Variants in PIEZO2 observed in about 807,000 individuals in gnomAD.
PIEZO2 encodes piezo type mechanosensitive ion channel component 2.
In PIEZO2, 172 loss-of-function variants were observed where a neutral mutation model predicts 337.3. The ratio of observed to expected loss-of-function variants is 0.51; its 90% CI spans 0.45 to 0.58. The LOEUF is 0.58. PIEZO2 is among the 20% of genes least tolerant of loss of function. PIEZO2 has a pLI of 0.00. For synonymous variants in PIEZO2, 1,251 were observed against 1,228.5 expected, an observed-to-expected ratio of 1.02 and a Z score of -0.38; for missense variants, 3,028 against 3,391.3, an observed-to-expected ratio of 0.89 and a Z score of 2.66.
rs923017083 is a variant in PIEZO2, at chr18:10,824,707, A to C, written c.918-17433T>G. ...ATTTTAAATTTACAGACAAGTTGAA[A>C]ACATACTACAGAGAATTCTCTATAC... On this transcript the variant is annotated intron_variant, in intron 7 of 55. Transcript: ENST00000674853. This position sits in a 1 kb window ranked among gnomAD's most constrained non-coding sequence, Gnocchi z 4.4. Among the ~76,000 whole-genome samples the C allele has an allele frequency of 1.3e-5, 2 of 152,198 alleles. No homozygotes were observed. Among genetic ancestry groups the C allele is most frequent in the Admixed American group, 6.5e-5 (1 of 15,278 alleles).
intron 33 of PIEZO2, chr18:10,740,731 A>G: frequency 1.9e-6 from 1 of 540,540 alleles, no homozygotes; most frequent in African/African-American, 1.9e-5. Context: ...GGGCAATATA[A>G]TATTCAATTC....
At chr18:11,136,768 A>G (rs1318327591) in intron 1 of PIEZO2, among the ~76,000 whole-genome samples, 1 of 152,114 alleles carries the variant, frequency 6.6e-6, no homozygotes, top group Non-Finnish European at 1.5e-5. Flanking sequence ...CACACACCTG[A>G]GGTGTTTGTG....
chr18:10,680,454 G>A, intron 51 of PIEZO2, 83 bp from the exon 52 acceptor site: 1 of 1,265,186 alleles, frequency 7.9e-7, no homozygotes. Context: ...CCTTTTAACT[G>A]GCAGTATGGA....
intron 3 of PIEZO2, among the ~76,000 whole-genome samples, chr18:10,946,624 A>G (rs1026762448): frequency 7.2e-5 from 11 of 152,186 alleles, no homozygotes; most frequent in African/African-American, 2.7e-4. Context: ...CCCATCTGCA[A>G]TGAGGCAGTG....
At chr18:10,744,109 CGGA>C (rs1444484234) in intron 31 of PIEZO2, 30 bp downstream of exon 31, 10 of 1,447,486 alleles carry the variant, frequency 6.9e-6, no homozygotes, top group Non-Finnish European at 6.6e-6. Context: ...AATCAGAAGA[CGGA>C]AGGAGGATGA....
At chr18:11,004,172 AG>A (rs2035640826) in intron 2 of PIEZO2, among the ~76,000 whole-genome samples, 1 of 152,174 alleles carries the variant, frequency 6.6e-6, no homozygotes, top group East Asian at 1.9e-4. Flanking sequence ...AGGTGTGAGT[AG>A]TGACACCCCT....
At chr18:11,139,564 T>C (rs2040582667) in intron 1 of PIEZO2, among the ~76,000 whole-genome samples, 1 of 152,132 alleles carries the variant, frequency 6.6e-6, no homozygotes, top group Non-Finnish European at 1.5e-5. Context: ...AAAATGTCCA[T>C]CCCATCCCAC....
intron 49 of PIEZO2, among the ~76,000 whole-genome samples, chr18:10,683,756 C>G (rs2034383593): frequency 6.6e-6 from 1 of 152,190 alleles, no homozygotes; most frequent in Non-Finnish European, 1.5e-5. Context: ...GTCACTCCAA[C>G]AGCACCCACA....
At chr18:10,835,796 G>A (rs1044094188) in intron 7 of PIEZO2, among the ~76,000 whole-genome samples, 7 of 152,204 alleles carry the variant, frequency 4.6e-5, no homozygotes, top group African/African-American at 1.7e-4. Flanking sequence ...CGCCCACCTT[G>A]GCCTACGGGC....
chr18:10,839,973 T>C (rs930612366), intron 7 of PIEZO2, among the ~76,000 whole-genome samples: 1 of 152,214 alleles, frequency 6.6e-6, no homozygotes, highest in African/African-American at 2.4e-5. Flanking sequence ...TCACTTAAAG[T>C]ACAGGTTAAA....
chr18:10,836,445 C>T (rs1049779024), intron 7 of PIEZO2, among the ~76,000 whole-genome samples: 3 of 152,172 alleles, frequency 2.0e-5, no homozygotes, highest in African/African-American at 7.2e-5. Flanking sequence ...TTTGCTAGCC[C>T]GGCTGTAACT....
chr18:10,715,171 A>C (rs2035963775), intron 38 of PIEZO2, among the ~76,000 whole-genome samples: 1 of 152,232 alleles, frequency 6.6e-6, no homozygotes, highest in Non-Finnish European at 1.5e-5. Context: ...GTAACCTTTC[A>C]AGATATGAAC....
chr18:11,101,711 C>T lies in PIEZO2; in HGVS notation c.65-35489G>A, dbSNP rs970240375. Reference sequence around the variant, plus strand: ...AGAGAATTTCCTAAAGCATTTAAGTCGAGATGGTCATTTTTCTCTTAGGTT... The same window carrying T: ...AGAGAATTTCCTAAAGCATTTAAGTTGAGATGGTCATTTTTCTCTTAGGTT... On this transcript the variant is annotated intron_variant, in intron 1 of 55. Transcript: ENST00000674853. The surrounding 1 kb of genome is among the most constrained non-coding windows in gnomAD (Gnocchi z 4.4). Among the ~76,000 whole-genome samples, 2 of 152,078 alleles carry T rather than the reference C, an allele frequency of 1.3e-5. No homozygotes were observed. The highest frequency in any genetic ancestry group is 4.8e-5 in the African/African-American group (2 of 41,388).
rs553585035 is a variant in PIEZO2 at position 10,847,503 on chromosome 18, G to A, written c.917+7850C>T. Among the ~76,000 whole-genome samples the A allele has an allele frequency of 1.2e-4, 18 of 152,274 alleles. 1 individual carries two copies. The South Asian group carries it at 3.5e-3, about 30-fold the overall frequency. On this transcript the variant is annotated intron_variant, in intron 7 of 55. Transcript: ENST00000674853. This position sits in a 1 kb window ranked among gnomAD's most constrained non-coding sequence, Gnocchi z 5.7. ...ACGCAGTGCAAAGGCCCGTGGGCTC[G>A]GCGAGAAGCCACAGTTGCTTTTGTA...
chr18:10,755,330 C>G (rs1011328345), intron 27 of PIEZO2, among the ~76,000 whole-genome samples: 1 of 152,144 alleles, frequency 6.6e-6, no homozygotes, highest in Non-Finnish European at 1.5e-5. Context: ...TCACTGCAAC[C>G]TCATATGGCT....
intron 49 of PIEZO2, among the ~76,000 whole-genome samples, chr18:10,684,089 CTTCCTTCT>C (rs1415197811): frequency 7.6e-4 from 39 of 51,332 alleles, no homozygotes; most frequent in African/African-American, 1.8e-3. Flanking sequence ...TCCTTCCTTC[CTTCCTTCT>C]TTCTCTCTCT....
rs893718294 is a variant in PIEZO2 at position 10,757,945 on chromosome 18, T to C, written c.3923+24A>G. 7 of 1,522,262 alleles carry C rather than the reference T, an allele frequency of 4.6e-6. No homozygotes were observed. The African/African-American group carries it at 6.9e-5, about 15-fold the overall frequency. 94.3% of individuals were successfully genotyped at this position (1,522,262 alleles called of 1,614,324 possible). A position where few individuals can be genotyped will look rare whatever the true frequency, so the allele number is the denominator to read the frequency against. Reference sequence around the variant, plus strand: ...GAAATGCACACATCAAAGTGGCTTTTAGCAAATGTGAAGCTCTTGTTACCT... The same window carrying C: ...GAAATGCACACATCAAAGTGGCTTTCAGCAAATGTGAAGCTCTTGTTACCT... On this transcript the variant is annotated intron_variant, in intron 27 of 55. Transcript: ENST00000674853.
At chr18:10,961,304 A>G (rs1442433415) in intron 3 of PIEZO2, among the ~76,000 whole-genome samples, 1 of 152,188 alleles carries the variant, frequency 6.6e-6, no homozygotes, top group East Asian at 1.9e-4. Flanking sequence ...TTCTAAGTGA[A>G]GTAAAGAATG....
rs2040733993 is a variant in PIEZO2, at chr18:10,828,131, T to C, written c.918-20857A>G. 1.3e-5 allele frequency among the ~76,000 whole-genome samples: 1 copy of C among 79,522 alleles called. No homozygotes were observed. The allele number at this position is 79,522 out of a possible 152,430, so 52.2% of individuals were successfully genotyped here. A position where few individuals can be genotyped will look rare whatever the true frequency, so the allele number is the denominator to read the frequency against. ...TAGCATGACGGTTTTTTTTTGTTTGTTTGTTTTTGTTTTTTTTTTTTTTTA... is the reference window on the plus strand; with the variant it reads ...TAGCATGACGGTTTTTTTTTGTTTGCTTGTTTTTGTTTTTTTTTTTTTTTA... On this transcript the variant is annotated intron_variant, in intron 7 of 55. Transcript: ENST00000674853. The surrounding 1 kb of genome is among the most constrained non-coding windows in gnomAD (Gnocchi z 4.1).
Sources: allele counts gnomAD v4.1 joint callset (sites outside exome capture counted in the v4.1 genomes callset), GRCh38; gene constraint gnomAD v4.1.1; non-coding constraint Gnocchi (gnomAD v3.1); transcripts MANE v1.5; gene names NCBI Gene and HGNC (gene_info 2026-07-23, HGNC 2026-07-21).